HPSE2: variants seen among roughly 807,000 people sequenced by gnomAD.
HPSE2 encodes heparanase 2 (inactive), also known as inactive heparanase-2.
Under a neutral mutation model 60.5 loss-of-function variants are expected in HPSE2, and 38 were observed. That is an observed-to-expected ratio of 0.63 (90% CI 0.48 to 0.82). HPSE2 has a LOEUF of 0.82. HPSE2 is among the 40% of genes least tolerant of loss of function. The pLI is 0.00. For missense variants in HPSE2, 713 were observed against 740.4 expected (o/e 0.96, Z 0.43); for synonymous variants, 295 against 293.2 (o/e 1.01, Z -0.06).
chr10:98,993,237 T>C (rs1956567641), intron 3 of HPSE2, among the ~76,000 whole-genome samples: 2 of 152,210 alleles, frequency 1.3e-5, no homozygotes, highest in African/African-American at 4.8e-5. Context: ...GGCTAGGCCT[T>C]AAAAAATGAA....
chr10:98,605,598 A>T lies in HPSE2; in HGVS notation c.1320+9306T>A, dbSNP rs190266659. On this transcript the variant is annotated intron_variant, in intron 9 of 11. Transcript: ENST00000370552. ...GTTGGGCCAGTGACAGGGAAACTCT[A>T]GGCACCAAGTTCAGTCGGGGATCCC... Among the ~76,000 whole-genome samples the T allele has an allele frequency of 8.7e-4, 121 of 138,718 alleles. 2 individuals carry two copies. The East Asian group carries it at 0.025, about 28-fold the overall frequency. 91.0% of individuals were successfully genotyped at this position (138,718 alleles called of 152,430 possible). A position where few individuals can be genotyped will look rare whatever the true frequency, so the allele number is the denominator to read the frequency against.
At chr10:98,611,138 C>A (rs1189891378) in intron 9 of HPSE2, among the ~76,000 whole-genome samples, 2 of 152,192 alleles carry the variant, frequency 1.3e-5, no homozygotes, top group Non-Finnish European at 2.9e-5. Flanking sequence ...TGAAGCATGG[C>A]TGAACTAAAT....
chr10:99,189,252 T>C (rs1848136645), intron 2 of HPSE2, among the ~76,000 whole-genome samples: 1 of 152,222 alleles, frequency 6.6e-6, no homozygotes, highest in African/African-American at 2.4e-5. Context: ...GCATGTCTCA[T>C]GGATAACTTC....
chr10:98,481,780 C>T (rs902424438), intron 11 of HPSE2, among the ~76,000 whole-genome samples: 3 of 152,210 alleles, frequency 2.0e-5, no homozygotes, highest in Non-Finnish European at 4.4e-5. Context: ...TCCAAGTTTA[C>T]AGCTTTGTTA....
chr10:98,984,238 C>T (rs1956279885), intron 3 of HPSE2, among the ~76,000 whole-genome samples: 2 of 152,162 alleles, frequency 1.3e-5, no homozygotes, highest in Non-Finnish European at 1.5e-5. Flanking sequence ...TCGGAGGCAC[C>T]CCCCAGTAGG....
At chr10:99,162,767 T>G (rs763013072) in intron 2 of HPSE2, among the ~76,000 whole-genome samples, 1 of 152,212 alleles carries the variant, frequency 6.6e-6, no homozygotes, top group Non-Finnish European at 1.5e-5. Flanking sequence ...TTATCCACTT[T>G]GGTTTCAAAA....
chr10:98,547,994 T>C (rs564694052), intron 9 of HPSE2, among the ~76,000 whole-genome samples: 7 of 152,136 alleles, frequency 4.6e-5, no homozygotes, highest in Non-Finnish European at 2.9e-5. Flanking sequence ...ATACATATAA[T>C]AGATTTATGA....
At chr10:98,750,383 A>T (rs1949731982) in intron 3 of HPSE2, among the ~76,000 whole-genome samples, 1 of 152,170 alleles carries the variant, frequency 6.6e-6, no homozygotes. Flanking sequence ...TTTTGCCCTC[A>T]TTGACATAGA....
intron 9 of HPSE2, among the ~76,000 whole-genome samples, chr10:98,505,585 T>C (rs1282587534): frequency 6.6e-6 from 1 of 152,254 alleles, no homozygotes; most frequent in African/African-American, 2.4e-5. Context: ...TCTTTTTGTG[T>C]GTTAAGAAGT....
At chr10:98,945,489 G>A (rs2135172289) in intron 3 of HPSE2, among the ~76,000 whole-genome samples, 1 of 152,208 alleles carries the variant, frequency 6.6e-6, no homozygotes, top group South Asian at 2.1e-4. Flanking sequence ...AAGAGGAAAT[G>A]CAGTATAAAT....
At chr10:98,949,250 GCACACACACACACACA>G (rs35314282) in intron 3 of HPSE2, among the ~76,000 whole-genome samples, 19,151 of 150,932 alleles carry the variant, frequency 0.13, 1,290 homozygotes, top group South Asian at 0.21. Context: ...ACGCATGCGT[GCACACACACACACACA>G]CACACACACA....
chr10:99,315,875 G>C, the HPSE2 span, among the ~76,000 whole-genome samples: 2 of 152,136 alleles, frequency 1.3e-5, no homozygotes, highest in Non-Finnish European at 2.9e-5. Context: ...ATTTTCTTGG[G>C]ATAGTCCCTC....
At chr10:98,557,989 G>A (rs1944062183) in intron 9 of HPSE2, among the ~76,000 whole-genome samples, 1 of 152,000 alleles carries the variant, frequency 6.6e-6, no homozygotes, top group Non-Finnish European at 1.5e-5. Context: ...ATAAAACCCT[G>A]AACAGACATC....
intron 8 of HPSE2, 43 bp from the exon 9 acceptor site, chr10:98,615,061 A>G (rs1945868949): frequency 7.1e-7 from 1 of 1,408,154 alleles, no homozygotes; most frequent in East Asian, 2.3e-5. Context: ...TATTTTTTAA[A>G]TGGCATATAA....
chr10:98,966,002 T>C (rs565108452), intron 3 of HPSE2, among the ~76,000 whole-genome samples: 1 of 152,274 alleles, frequency 6.6e-6, no homozygotes, highest in East Asian at 1.9e-4. Flanking sequence ...GCGATTCTCC[T>C]GCCTCAGCCT....
chr10:98,510,785 C>T (rs1942363525), intron 9 of HPSE2, among the ~76,000 whole-genome samples: 2 of 152,220 alleles, frequency 1.3e-5, no homozygotes, highest in South Asian at 2.1e-4. Flanking sequence ...AACAAGACAT[C>T]CTTCTGTCAT....
At position 98,490,168 on chromosome 10, in the gene HPSE2, C is replaced by A. The variant is rs778752620; in HGVS notation, c.1349G>T (p.Arg450Leu). 6.8e-6 allele frequency: 11 copies of A among 1,613,994 alleles called. No homozygotes were observed. In the Admixed American group the frequency reaches 1.2e-4, roughly 17 times the overall value. Residue 450 changes from arginine to leucine, a missense_variant, in exon 10 of 12, where the codon CGC (arginine) becomes CTC (leucine). Coordinates refer to ENST00000370552, the MANE Select transcript of HPSE2 (RefSeq NM_021828.5). ...PDYWLSLLYK[R>L]LIGPKVLAVH... ...AGCCAAGACTTTGGGGCCGATCAGG[C>A]GCTTGTAGAGGAGAGAGAGCCAGTA...
the HPSE2 span, among the ~76,000 whole-genome samples, chr10:99,252,860 G>C: frequency 7.7e-6 from 1 of 129,862 alleles, no homozygotes; most frequent in African/African-American, 3.0e-5. Flanking sequence ...CTGGGCGACA[G>C]AGCGAGACTC....
chr10:99,271,175 C>A, the HPSE2 span, among the ~76,000 whole-genome samples: 1 of 152,146 alleles, frequency 6.6e-6, no homozygotes, highest in Non-Finnish European at 1.5e-5. Flanking sequence ...ACATCCAAAT[C>A]AGTAAACAGG....
Sources: gnomAD v4.1 joint callset for allele counts (sites outside exome capture counted in the v4.1 genomes callset) on GRCh38, gnomAD v4.1.1 for gene constraint, MANE v1.5 for transcripts, NCBI Gene and HGNC (gene_info 2026-07-23, HGNC 2026-07-21) for gene names.